HSD17B12: variants seen among roughly 807,000 people sequenced by gnomAD.
HSD17B12 encodes hydroxysteroid 17-beta dehydrogenase 12, also known as very-long-chain 3-oxoacyl-CoA reductase.
In HSD17B12, 32 loss-of-function variants were observed where a neutral mutation model predicts 39.3. The ratio of observed to expected loss-of-function variants is 0.81; its 90% CI spans 0.61 to 1.09. The LOEUF (loss-of-function observed/expected upper bound fraction) is 1.09. HSD17B12 is among the 50% of genes least tolerant of loss of function. The probability of loss-of-function intolerance (pLI) is 0.00; values close to 1 mark genes in which losing one functional copy is unlikely to be tolerated. For missense variants in HSD17B12, 342 were observed against 382.9 expected (o/e 0.89, Z 0.89); for synonymous variants, 150 against 146.7 (o/e 1.02, Z -0.16).
At chr11:43,820,773 C>T (rs1159843056) in intron 6 of HSD17B12, among the ~76,000 whole-genome samples, 1 of 152,228 alleles carries the variant, frequency 6.6e-6, no homozygotes, top group Non-Finnish European at 1.5e-5. Flanking sequence ...GTGAAATCAG[C>T]TTGGCCTTGT....
intron 6 of HSD17B12, among the ~76,000 whole-genome samples, chr11:43,822,996 T>G (rs1423199190): frequency 6.6e-6 from 1 of 152,180 alleles, no homozygotes; most frequent in African/African-American, 2.4e-5. Flanking sequence ...TAATTTCTTT[T>G]TACTCTTTTT....
In HSD17B12 at chr11:43,854,726, A is replaced by G. The variant is rs141745773; in HGVS notation, c.696A>G (p.Pro232=). 4.6e-4 allele frequency: 746 copies of G among 1,613,840 alleles called. 2 individuals are homozygous for G. Among genetic ancestry groups the G allele is most frequent in the African/African-American group, 5.7e-4 (43 of 75,040 alleles). ...SKGVFVQSVL[P]YFVATKLAKI... ...TGTTCCCTTTCTAGAGTGTCCTGCC[A>G]TACTTCGTAGCTACAAAACTGGCTA... The change falls in exon 10 of 11, where the codon CCA becomes CCG. Residue 232 remains proline (P), a synonymous_variant. Transcript: ENST00000278353.
intron 1 of HSD17B12, among the ~76,000 whole-genome samples, chr11:43,706,711 T>TGTGTGTGTGTGTGTGC (rs1950018975): frequency 6.6e-6 from 1 of 151,144 alleles, no homozygotes; most frequent in African/African-American, 2.5e-5. Flanking sequence ...TGTGTGTGTG[T>TGTGTGTGTGTGTGTGC]GTGTGTGTGT....
chr11:43,619,449 G>A, the HSD17B12 span, among the ~76,000 whole-genome samples: 2 of 149,458 alleles, frequency 1.3e-5, no homozygotes, highest in Non-Finnish European at 3.0e-5. Context: ...GAGTGCAGTG[G>A]CGTGATCTTG....
intron 1 of HSD17B12, among the ~76,000 whole-genome samples, chr11:43,703,257 G>A (rs1200415608): frequency 6.6e-6 from 1 of 151,844 alleles, no homozygotes; most frequent in East Asian, 1.9e-4. Flanking sequence ...TGCAGTGGCG[G>A]GATCTTGGCT....
chr11:43,578,338 C>T, the HSD17B12 span, among the ~76,000 whole-genome samples: 1 of 152,176 alleles, frequency 6.6e-6, no homozygotes, highest in Non-Finnish European at 1.5e-5. Flanking sequence ...TGACCTGACC[C>T]CGATACAGGG....
intron 1 of HSD17B12, among the ~76,000 whole-genome samples, chr11:43,715,617 T>C (rs1011976107): frequency 2.6e-5 from 4 of 152,178 alleles, no homozygotes; most frequent in African/African-American, 9.7e-5. Context: ...CAGGCTTTGG[T>C]ATCAGGATGA....
intron 1 of HSD17B12, chr11:43,718,779 A>G: frequency 8.7e-7 from 1 of 1,146,124 alleles, no homozygotes; most frequent in East Asian, 2.3e-5. Context: ...GTTCACAGCC[A>G]CAAAAAAAAG....
intron 1 of HSD17B12, among the ~76,000 whole-genome samples, chr11:43,709,771 C>A (rs1590680673): frequency 6.6e-6 from 1 of 152,218 alleles, no homozygotes; most frequent in East Asian, 1.9e-4. Flanking sequence ...TTGACTATGA[C>A]TCCCCCTTTT....
chr11:43,803,364 G>T (rs1950988981), intron 4 of HSD17B12, among the ~76,000 whole-genome samples: 1 of 152,110 alleles, frequency 6.6e-6, no homozygotes, highest in African/African-American at 2.4e-5. Flanking sequence ...AAATAATTTA[G>T]TCTCTTTCCT....
At chr11:43,634,328 C>T in the HSD17B12 span, among the ~76,000 whole-genome samples, 1 of 152,070 alleles carries the variant, frequency 6.6e-6, no homozygotes, top group South Asian at 2.1e-4. Context: ...AGTCCTCCCA[C>T]CAATGCCTCT....
rs577432730 is a variant in HSD17B12, at chr11:43,784,467, G to T, written c.284-13853G>T. ...TAGACAAGGGCAGGTGGGGGTGGGGGGCAGCAGGAGAAATGGTGGTCTCCT... is the reference window on the plus strand; with the variant it reads ...TAGACAAGGGCAGGTGGGGGTGGGGTGCAGCAGGAGAAATGGTGGTCTCCT... On this transcript the variant is annotated intron_variant, in intron 3 of 10. Transcript: ENST00000278353. 4.6e-5 allele frequency among the ~76,000 whole-genome samples: 7 copies of T among 151,472 alleles called. No homozygotes were observed. In the East Asian group the frequency reaches 1.4e-3, roughly 29 times the overall value.
At chr11:43,754,005 G>C (rs375571792) in intron 2 of HSD17B12, 41 bp from the exon 3 acceptor site, 5 of 1,332,074 alleles carry the variant, frequency 3.8e-6, no homozygotes, top group South Asian at 3.7e-5. Flanking sequence ...GTTTTTCAGT[G>C]ACATGCACAG....
intron 1 of HSD17B12, among the ~76,000 whole-genome samples, chr11:43,736,211 G>C (rs558551315): frequency 2.0e-5 from 3 of 152,312 alleles, no homozygotes; most frequent in East Asian, 1.9e-4. Context: ...GGTGCCACCA[G>C]AAGGAATCGC....
chr11:43,580,069 G>C, the HSD17B12 span, among the ~76,000 whole-genome samples: 1 of 151,054 alleles, frequency 6.6e-6, no homozygotes, highest in African/African-American at 2.4e-5. Context: ...GTACTAATGG[G>C]GGGGGGGAGG....
At chr11:43,722,979 G>C (rs1950188927) in intron 1 of HSD17B12, among the ~76,000 whole-genome samples, 1 of 152,194 alleles carries the variant, frequency 6.6e-6, no homozygotes, top group Admixed American at 6.5e-5. Flanking sequence ...GAATAGACTA[G>C]TGGCCACAGG....
At chr11:43,818,805 G>A (rs1339935989) in intron 6 of HSD17B12, among the ~76,000 whole-genome samples, 6 of 152,048 alleles carry the variant, frequency 3.9e-5, no homozygotes, top group African/African-American at 1.2e-4. Context: ...TCATTATAAG[G>A]GCTCTCAAAA....
In HSD17B12 at chr11:43,754,030, T is replaced by C. The variant is rs751629572; in HGVS notation, c.208-16T>C. The C allele has an allele frequency of 8.2e-6, 13 of 1,583,518 alleles. No individual in the cohort carries two copies. The East Asian group carries it at 2.9e-4, about 35-fold the overall frequency. ...GACATGCACAGGTGTGATTCAAATCTCCTTTACTGTTTCAGTTAGCAAAGC... is the reference window on the plus strand; with the variant it reads ...GACATGCACAGGTGTGATTCAAATCCCCTTTACTGTTTCAGTTAGCAAAGC... On this transcript the variant is annotated splice_polypyrimidine_tract_variant and intron_variant, in intron 2 of 10. Coordinates refer to ENST00000278353, the MANE Select transcript of HSD17B12 (RefSeq NM_016142.3).
At chr11:43,585,552 T>G in the HSD17B12 span, among the ~76,000 whole-genome samples, 2 of 152,240 alleles carry the variant, frequency 1.3e-5, no homozygotes, top group Non-Finnish European at 2.9e-5. Context: ...GACTGCTACA[T>G]GGATTTTTGG....
Sources: allele counts gnomAD v4.1 joint callset (sites outside exome capture counted in the v4.1 genomes callset), GRCh38; gene constraint gnomAD v4.1.1; transcripts MANE v1.5; gene names NCBI Gene and HGNC (gene_info 2026-07-23, HGNC 2026-07-21).